ATP6V0E2: variants seen among roughly 807,000 people sequenced by gnomAD.
ATP6V0E2 encodes V-type proton ATPase subunit e 2.
ATP6V0E2 carries 4 observed loss-of-function variants against 11.5 expected under a neutral mutation model. That is an observed-to-expected ratio of 0.35 (90% confidence interval 0.17 to 0.80). ATP6V0E2 has a LOEUF of 0.80. Ranked by LOEUF, ATP6V0E2 falls within the 30% of genes least tolerant of loss-of-function variation. The probability of loss-of-function intolerance (pLI) is 0.53; values close to 1 mark genes in which losing one functional copy is unlikely to be tolerated. For synonymous variants in ATP6V0E2, 52 were observed against 51.0 expected (o/e 1.02, Z -0.09); for missense variants, 93 against 113.5 (o/e 0.82, Z 0.82).
intron 2 of ATP6V0E2, 75 bp downstream of exon 2, chr7:149,875,720 C>T (rs372713158): frequency 1.5e-5 from 21 of 1,419,446 alleles, no homozygotes; most frequent in East Asian, 1.1e-4. Flanking sequence ...CCCTAGCCTG[C>T]TCTTCCTTCT....
intron 2 of ATP6V0E2, among the ~76,000 whole-genome samples, chr7:149,876,328 A>G (rs1238776860): frequency 6.6e-6 from 1 of 152,112 alleles, no homozygotes; most frequent in Non-Finnish European, 1.5e-5. Context: ...GTGAGCCAAG[A>G]TCTTACCACT....
upstream of ATP6V0E2, chr7:149,873,674 A>C: frequency 4.6e-6 from 2 of 432,900 alleles, no homozygotes; most frequent in Non-Finnish European, 7.8e-6. Flanking sequence ...CGTGAAGGGC[A>C]GGGGACGCCC....
Position 149,874,157 on chromosome 7 carries a change from GACCCA to G in ATP6V0E2, c.96_100del (p.Asn33ArgfsTer37). On this transcript the variant is annotated frameshift_variant, in exon 1 of 4. Coordinates refer to ENST00000425642, the MANE Select transcript of ATP6V0E2 (RefSeq NM_145230.4). LOFTEE classifies it high-confidence loss of function. ...GCCGGGCCCTGGTTCGTGCCGAAGG[GACCCA>G]ACCGCGGGTAAGGAAAGCGCGCAGG... 1.3e-6 allele frequency: 2 copies of G among 1,549,082 alleles called. No homozygotes were observed. The highest frequency in any genetic ancestry group is 1.7e-6 in the Non-Finnish European group (2 of 1,146,116).
At chr7:149,875,733 C>A in intron 2 of ATP6V0E2, 88 bp downstream of exon 2, 1 of 1,333,748 alleles carries the variant, frequency 7.5e-7, no homozygotes, top group Non-Finnish European at 1.1e-6. Flanking sequence ...TTCCTTCTGT[C>A]CTGGTAGTAA....
Position 149,879,971 on chromosome 7 carries a change from T to G in ATP6V0E2, c.*656T>G. The stretch of plus-strand genomic sequence containing the variant: ...TGCTGTGTCTCCTCAGAGTATCCTG[T>G]TCCGCCTCCTGCCACCTGGACCTCC... On this transcript the variant is annotated 3_prime_UTR_variant, in exon 4 of 4. Transcript: ENST00000425642. 1 of 262,212 alleles carries G rather than the reference T, an allele frequency of 3.8e-6. No homozygotes were observed. 16.2% of individuals were successfully genotyped at this position (262,212 alleles called of 1,614,324 possible).
intron 3 of ATP6V0E2, chr7:149,878,991 G>C (rs1803304147): frequency 1.1e-6 from 1 of 908,678 alleles, no homozygotes; most frequent in Non-Finnish European, 1.6e-6. Flanking sequence ...TTCTGGGTTT[G>C]GTTTTGATTT....
At chr7:149,876,619 C>G (rs774671435) in intron 2 of ATP6V0E2, among the ~76,000 whole-genome samples, 2 of 152,152 alleles carry the variant, frequency 1.3e-5, no homozygotes, top group African/African-American at 4.8e-5. Context: ...CATCCCAAAC[C>G]TGCGGTTACA....
At position 149,874,206 on chromosome 7, in the gene ATP6V0E2, C is replaced by T. The variant is rs776983804; in HGVS notation, c.104+37C>T. The T allele has an allele frequency of 2.7e-5, 41 of 1,523,270 alleles. 2 individuals are homozygous for T. In the South Asian group the frequency reaches 5.0e-4, roughly 19 times the overall value. 94.4% of individuals were successfully genotyped at this position (1,523,270 alleles called of 1,614,324 possible). On this transcript the variant is annotated intron_variant, in intron 1 of 3. Coordinates refer to ENST00000425642, the MANE Select transcript of ATP6V0E2 (RefSeq NM_145230.4). ...GCGCAGGCCCTGCAGACCTCTCCAC[C>T]CCGGCCCCCTGGCCCGGCTCGCCCC... is the stretch of plus-strand genomic sequence containing the variant.
intron 2 of ATP6V0E2, among the ~76,000 whole-genome samples, chr7:149,877,080 G>GT (rs765120341): frequency 0.074 from 3,305 of 44,828 alleles, 53 homozygotes; most frequent in Non-Finnish European, 0.1. Context: ...TGATTGAAAT[G>GT]GGGTCTTGAG....
chr7:149,875,591 G>C lies in ATP6V0E2; in HGVS notation c.105-7G>C. ...TTTGTTCTGACCCGTGTCCTCTTCT[G>C]CTGCAGAGTGATCATCACCATGCTG... On this transcript the variant is annotated splice_polypyrimidine_tract_variant and splice_region_variant and intron_variant, in intron 1 of 3. Transcript: ENST00000425642. 6.2e-7 allele frequency: 1 copy of C among 1,613,720 alleles called. No individual in the cohort carries two copies. The highest frequency in any genetic ancestry group is 8.5e-7 in the Non-Finnish European group (1 of 1,179,776).
intron 2 of ATP6V0E2, among the ~76,000 whole-genome samples, chr7:149,876,695 A>G (rs946614132): frequency 7.9e-5 from 12 of 152,202 alleles, no homozygotes; most frequent in African/African-American, 2.7e-4. Flanking sequence ...GTTTGTTGGG[A>G]GGCCTGTCTC....
upstream of ATP6V0E2, chr7:149,873,782 C>G: frequency 7.9e-7 from 1 of 1,262,088 alleles, no homozygotes. Context: ...GACGCGGACC[C>G]TATAACCCAT....
Position 149,875,652 on chromosome 7 carries a change from AC to A in ATP6V0E2, c.152+8del, listed in dbSNP as rs1803086507. The A allele has an allele frequency of 6.2e-7, 1 of 1,613,072 alleles. No homozygotes were observed. The highest frequency in any genetic ancestry group is 1.3e-5 in the African/African-American group (1 of 74,876). On this transcript the variant is annotated splice_region_variant and intron_variant, in intron 2 of 3. Transcript: ENST00000425642. ...CCGTCTGCTGTTACCTCTTGTAAGT[AC>A]TACTCTCCCCAGCTCAAAGTCAGCC...
chr7:149,873,955 G>A (rs201759327), upstream of ATP6V0E2: 668 of 1,544,288 alleles, frequency 4.3e-4, no homozygotes, highest in Non-Finnish European at 1.8e-4. Context: ...GATCGCTTCG[G>A]GTGCTCGACT....
In ATP6V0E2 at chr7:149,874,134, C is replaced by T. The variant is rs1802990740; in HGVS notation, c.69C>T (p.Ala23=). The change falls in exon 1 of 4, where the codon GCC becomes GCT. Residue 23 remains alanine, a synonymous_variant. Transcript: ENST00000425642. The stretch of plus-strand genomic sequence containing the variant: ...CGTTCTGGGGCCTCGTCGGCATCGC[C>T]GGGCCCTGGTTCGTGCCGAAGGGAC... ...FTTFWGLVGI[A]GPWFVPKGPN... The T allele has an allele frequency of 1.9e-6, 3 of 1,549,868 alleles. No individual in the cohort carries two copies. The highest frequency in any genetic ancestry group is 1.4e-5 in the African/African-American group (1 of 73,134).
At chr7:149,878,925 C>A (rs1050365024) in intron 3 of ATP6V0E2, 135 bp downstream of exon 3, 11 of 149,604 alleles carry the variant, frequency 7.4e-5, no homozygotes, top group African/African-American at 4.3e-4. Flanking sequence ...CCCAGGGTGA[C>A]GAAGGGCCCA....
At chr7:149,875,477 G>A (rs906510377) in intron 1 of ATP6V0E2, 121 bp from the exon 2 acceptor site, 2 of 912,582 alleles carry the variant, frequency 2.2e-6, no homozygotes, top group Non-Finnish European at 1.8e-6. Flanking sequence ...CTGTGTCCAG[G>A]AGGCATCAGG....
chr7:149,879,646 C>G lies in ATP6V0E2; in HGVS notation c.*331C>G. 6.9e-7 allele frequency: 1 copy of G among 1,455,716 alleles called. No individual in the cohort carries two copies. Among genetic ancestry groups the G allele is most frequent in the Non-Finnish European group, 9.1e-7 (1 of 1,100,982 alleles). 90.2% of individuals were successfully genotyped at this position (1,455,716 alleles called of 1,614,324 possible). Reference sequence around the variant, plus strand: ...TGGGTGGGGTCTTTCCCTTTACAGACGGGGCAGATGCCAGGACTCAGCCCA... The same window carrying G: ...TGGGTGGGGTCTTTCCCTTTACAGAGGGGGCAGATGCCAGGACTCAGCCCA... On this transcript the variant is annotated 3_prime_UTR_variant, in exon 4 of 4. Transcript: ENST00000425642.
At chr7:149,879,175 CCAAGG>C in intron 3 of ATP6V0E2, 155 bp from the exon 4 acceptor site, 1 of 1,401,014 alleles carries the variant, frequency 7.1e-7, no homozygotes. Flanking sequence ...GCGCTTCACC[CCAAGG>C]CAAGACCCTA....
Sources: gnomAD v4.1 joint callset for allele counts (sites outside exome capture counted in the v4.1 genomes callset) on GRCh38, gnomAD v4.1.1 for gene constraint, MANE v1.5 for transcripts, NCBI Gene and HGNC (gene_info 2026-07-23, HGNC 2026-07-21) for gene names.